GOLGA8M: variants seen among roughly 807,000 people sequenced by gnomAD.
GOLGA8M encodes golgin A8 family member M.
A neutral mutation model predicts 87.7 loss-of-function variants in GOLGA8M; 34 were observed. The ratio of observed to expected loss-of-function variants is 0.39; its 90% CI spans 0.29 to 0.52. The LOEUF (loss-of-function observed/expected upper bound fraction) is 0.52, where lower values mean the gene tolerates loss of function less well. Ranked by LOEUF, GOLGA8M falls within the 20% of genes least tolerant of loss-of-function variation. The pLI, the probability that GOLGA8M is intolerant of heterozygous loss-of-function variation, is 0.80. For missense variants in GOLGA8M, 396 were observed against 682.2 expected (o/e 0.58, Z 4.67); for synonymous variants, 138 against 250.2 (o/e 0.55, Z 4.23).
chr15:28,705,176 G>T lies in GOLGA8M; in HGVS notation c.1183C>A (p.Gln395Lys), dbSNP rs1403617187. ...TCCTTCACCTCGCCAAGCTTCTCCT[G>T]TAGCTCCTTTACTTGCTGCTCCAAC... Reference protein sequence around the residue: ...LQLEQQVKELQEKLGEEHLEA... With the variant: ...LQLEQQVKELKEKLGEEHLEA... The change falls in exon 13 of 19, where the codon CAG (glutamine) becomes AAG (lysine). Residue 395 changes from glutamine (Q) to lysine (K), a missense_variant. This residue lies in a region of GOLGA8M where 44 missense variants were observed against 46.7 expected (regional missense o/e 0.94). Transcript: ENST00000563027. 5.6e-6 allele frequency: 9 copies of T among 1,598,434 alleles called. No homozygotes were observed. In the East Asian group the frequency reaches 1.8e-4, roughly 32 times the overall value.
chr15:28,702,478 C>T lies in GOLGA8M; in HGVS notation c.1554G>A (p.Gln518=), dbSNP rs982056551. 13 of 1,582,060 alleles carry T rather than the reference C, an allele frequency of 8.2e-6. No homozygotes were observed. In the African/African-American group the frequency reaches 1.8e-4, roughly 21 times the overall value. Residue 518 remains glutamine, a synonymous_variant, in exon 17 of 19, where the codon CAG becomes CAA. Coordinates refer to ENST00000563027, the MANE Select transcript of GOLGA8M (RefSeq NM_001282468.3). ...LGGGHHQAGA[Q]GGDEGEAAGA... is the part of the protein sequence containing the mutation. ...TGCACACCCTACCTTCATCTCCTCC[C>T]TGAGCTCCAGCCTGATGGTGTCCTC...
chr15:28,712,525 G>GGCGTGGCCAGACAGCA (rs1463095663), upstream of GOLGA8M, among the ~76,000 whole-genome samples: 2 of 151,266 alleles, frequency 1.3e-5, no homozygotes, highest in East Asian at 2.0e-4. Context: ...AGGGAAAGGG[G>GGCGTGGCCAGACAGCA]GCGTGGCCAG....
At chr15:28,704,144 G>A (rs1411749640) in intron 13 of GOLGA8M, among the ~76,000 whole-genome samples, 5 of 148,100 alleles carry the variant, frequency 3.4e-5, no homozygotes, top group African/African-American at 9.9e-5. Context: ...GCTGATAGGC[G>A]GCCACCTGCT....
Position 28,706,476 on chromosome 15 carries a change from C to A in GOLGA8M, c.709G>T (p.Glu237Ter). 5 of 1,296,232 alleles carry A rather than the reference C, an allele frequency of 3.9e-6. No individual in the cohort carries two copies. 80.3% of individuals were successfully genotyped at this position (1,296,232 alleles called of 1,614,324 possible). A position where few individuals can be genotyped will look rare whatever the true frequency, so the allele number is the denominator to read the frequency against. The change falls in exon 10 of 19, where the codon GAA (glutamate) becomes TAA (stop). Residue 237 changes from glutamate to a stop codon, truncating the protein, a stop_gained. Coordinates refer to ENST00000563027, the MANE Select transcript of GOLGA8M (RefSeq NM_001282468.3). LOFTEE classifies it high-confidence loss of function. ...LKESFQQVQLERDEYSEHLKG... is the reference protein window; with the variant it reads ...LKESFQQVQL ...AGATGTTCAGAATACTCATCTCTTT[C>A]TAATTGGACTTGTTGAAATGACTCC...
intron 8 of GOLGA8M, 82 bp from the exon 9 acceptor site, chr15:28,706,781 G>A (rs1596685531): frequency 7.3e-7 from 1 of 1,371,072 alleles, no homozygotes; most frequent in East Asian, 3.1e-5. Flanking sequence ...CTCGGGCTAG[G>A]CCCAATATAC....
At position 28,704,111 on chromosome 15, in the gene GOLGA8M, C is replaced by T. The variant is rs369890533; in HGVS notation, c.1201-194G>A. 4.1e-5 allele frequency among the ~76,000 whole-genome samples: 6 copies of T among 147,358 alleles called. No individual in the cohort carries two copies. The South Asian group carries it at 6.4e-4, about 16-fold the overall frequency. ...TCTGCTGCAGTCACTGCCTGTACAGCGCCTCCTTCTCACAGGTCAACTGCT... is the reference window on the plus strand; with the variant it reads ...TCTGCTGCAGTCACTGCCTGTACAGTGCCTCCTTCTCACAGGTCAACTGCT... On this transcript the variant is annotated intron_variant, in intron 13 of 18. Transcript: ENST00000563027.
rs1217714217 is a variant in GOLGA8M, at chr15:28,701,657, G to C, written c.*297C>G. On this transcript the variant is annotated 3_prime_UTR_variant, in exon 19 of 19. Transcript: ENST00000563027. Reference sequence around the variant, plus strand: ...AGTTTTGGGCAAAGAGTGGGTCTTTGTGTGTTTGAACTTCCACCACGTAAG... The same window carrying C: ...AGTTTTGGGCAAAGAGTGGGTCTTTCTGTGTTTGAACTTCCACCACGTAAG... Among the ~76,000 whole-genome samples, 1 of 152,060 alleles carries C rather than the reference G, an allele frequency of 6.6e-6. No individual in the cohort carries two copies. The highest frequency in any genetic ancestry group is 2.4e-5 in the African/African-American group (1 of 41,392).
Position 28,702,857 on chromosome 15 carries a change from C to G in GOLGA8M, c.1369-112G>C, listed in dbSNP as rs2140908998. The stretch of plus-strand genomic sequence containing the variant: ...CTGGCATGGGCCAGCTTCTCCGTGA[C>G]TTCCTGCAGGGCCCAGTGGGTCTCC... On this transcript the variant is annotated intron_variant, in intron 15 of 18. Coordinates refer to ENST00000563027, the MANE Select transcript of GOLGA8M (RefSeq NM_001282468.3). 3.2e-6 allele frequency: 5 copies of G among 1,553,808 alleles called. No individual in the cohort carries two copies. In the East Asian group the frequency reaches 1.2e-4, roughly 39 times the overall value.
At position 28,708,114 on chromosome 15, in the gene GOLGA8M, C is replaced by G; in HGVS notation, c.396+12G>C. 1 of 1,601,664 alleles carries G rather than the reference C, an allele frequency of 6.2e-7. No homozygotes were observed. Among genetic ancestry groups the G allele is most frequent in the Non-Finnish European group, 8.5e-7 (1 of 1,175,480 alleles). The stretch of plus-strand genomic sequence containing the variant: ...CCGGAGGACAGGAGGAAACTGCACA[C>G]CCTCCACTCACCTCTAGCACCCTTT... On this transcript the variant is annotated intron_variant, in intron 6 of 18. Coordinates refer to ENST00000563027, the MANE Select transcript of GOLGA8M (RefSeq NM_001282468.3).
At chr15:28,712,825 A>T (rs1446221117), upstream of GOLGA8M, among the ~76,000 whole-genome samples, 1 of 152,240 alleles carries the variant, frequency 6.6e-6, no homozygotes, top group Non-Finnish European at 1.5e-5. Context: ...TACAGTACAA[A>T]AATTACCAGT....
At position 28,702,328 on chromosome 15, in the gene GOLGA8M, T is replaced by C; in HGVS notation, c.1609A>G (p.Ser537Gly). 1 of 1,530,216 alleles carries C rather than the reference T, an allele frequency of 6.5e-7. No homozygotes were observed. Among genetic ancestry groups the C allele is most frequent in the South Asian group, 1.2e-5 (1 of 83,888 alleles). The allele number at this position is 1,530,216 out of a possible 1,614,324, so 94.8% of individuals were successfully genotyped here. Reference sequence around the variant, plus strand: ...TTTCTGTGCCCATTGTTGTAGTTGCTGTAAGCCGCAATACCATCTGCTGCA... The same window carrying C: ...TTTCTGTGCCCATTGTTGTAGTTGCCGTAAGCCGCAATACCATCTGCTGCA... ...GAAADGIAAY[S>G]NYNNGHRKFL... Residue 537 changes from serine to glycine, a missense_variant, in exon 18 of 19, where the codon AGC becomes GGC. Ser to Gly is a moderately conservative substitution (Grantham distance 56, BLOSUM62 0). Around this residue, in one of 12 missense-constraint regions of GOLGA8M, gnomAD observed 173 missense variants for 150.2 expected, o/e 1.15. Coordinates refer to ENST00000563027, the MANE Select transcript of GOLGA8M (RefSeq NM_001282468.3).
chr15:28,701,258 G>A lies in GOLGA8M; in HGVS notation c.*696C>T, dbSNP rs556996583. Among the ~76,000 whole-genome samples, 12 of 151,682 alleles carry A rather than the reference G, an allele frequency of 7.9e-5. No homozygotes were observed. The highest frequency in any genetic ancestry group is 5.3e-4 in the Admixed American group (8 of 15,204). ...TAATACACCGCTAATTCCTGGCACC[G>A]GAACAGATGAAACACACTCTATCCT... On this transcript the variant is annotated 3_prime_UTR_variant, in exon 19 of 19. Coordinates refer to ENST00000563027, the MANE Select transcript of GOLGA8M (RefSeq NM_001282468.3).
Position 28,705,339 on chromosome 15 carries a change from CCT to C in GOLGA8M, c.1132-114_1132-113del, listed in dbSNP as rs1424702065. On this transcript the variant is annotated intron_variant, in intron 12 of 18. Transcript: ENST00000563027. ...TGGAGGCAGGTTAGAAAAATCACCC[CCT>C]CTCTCCCACAGCCACCTGGCTCACA... 2.5e-5 allele frequency: 33 copies of C among 1,334,848 alleles called. No individual in the cohort carries two copies. In the East Asian group the frequency reaches 7.5e-4, roughly 30 times the overall value. 82.7% of individuals were successfully genotyped at this position (1,334,848 alleles called of 1,614,324 possible).
In GOLGA8M at chr15:28,707,757, C is replaced by T. The variant is rs537877915; in HGVS notation, c.582G>A (p.Lys194=). The T allele has an allele frequency of 2.1e-3, 3,317 of 1,547,106 alleles. 74 individuals are homozygous for T. In the African/African-American group the frequency reaches 0.04, roughly 19 times the overall value. Residue 194 remains lysine, a synonymous_variant, in exon 8 of 19, where the codon AAG becomes AAA. Coordinates refer to ENST00000563027, the MANE Select transcript of GOLGA8M (RefSeq NM_001282468.3). The part of the protein sequence containing the change: ...LSDVMATQKK[K]ANQLSSPSKA... The stretch of plus-strand genomic sequence containing the variant: ...AGGTGGTTGGACTCACCTGGTTTGC[C>T]TTCTTCTTCTGTGTGGCCATGACAT...
At chr15:28,703,052 G>T in intron 15 of GOLGA8M, 1 of 909,732 alleles carries the variant, frequency 1.1e-6, no homozygotes, top group Non-Finnish European at 1.3e-6. Context: ...CAGCGGACTT[G>T]AGAAATGCCA....
At position 28,707,659 on chromosome 15, in the gene GOLGA8M, A is replaced by G. The variant is rs1048667832; in HGVS notation, c.591+89T>C. 2.5e-6 allele frequency: 3 copies of G among 1,191,896 alleles called. No individual in the cohort carries two copies. The Admixed American group carries it at 6.0e-5, about 24-fold the overall frequency. 73.8% of individuals were successfully genotyped at this position (1,191,896 alleles called of 1,614,324 possible). ...ATGGCCATGCTGCCTTCTGGGCAGGACACGCCATCCTGCAGAAGGGACCTT... is the reference window on the plus strand; with the variant it reads ...ATGGCCATGCTGCCTTCTGGGCAGGGCACGCCATCCTGCAGAAGGGACCTT... On this transcript the variant is annotated intron_variant, in intron 8 of 18. Transcript: ENST00000563027.
intron 13 of GOLGA8M, among the ~76,000 whole-genome samples, chr15:28,704,605 T>G (rs1053469555): frequency 4.1e-5 from 6 of 147,466 alleles, no homozygotes; most frequent in African/African-American, 1.5e-4. Flanking sequence ...CAGACAAGAG[T>G]GTCACTCTGT....
In GOLGA8M at chr15:28,707,964, C is replaced by G. The variant is rs2080086691; in HGVS notation, c.470G>C (p.Arg157Thr). ...GCCCAGATTCCCACCTTCAAAGTAT[C>G]TGAGAGAACGTTTCATGTGGTACAG... is the stretch of plus-strand genomic sequence containing the variant. ...TDLYHMKRSLRYFEEKSKDLA... is the reference protein window; with the variant it reads ...TDLYHMKRSLTYFEEKSKDLA... Residue 157 changes from arginine (R) to threonine (T), a missense_variant, in exon 7 of 19, where the codon AGA becomes ACA. Arg to Thr is a moderately conservative substitution (Grantham distance 71). This residue lies in a region of GOLGA8M where 80 missense variants were observed against 119.9 expected (regional missense o/e 0.67). Coordinates refer to ENST00000563027, the MANE Select transcript of GOLGA8M (RefSeq NM_001282468.3). 1.3e-6 allele frequency: 2 copies of G among 1,595,814 alleles called. No homozygotes were observed. The highest frequency in any genetic ancestry group is 2.2e-5 in the South Asian group (2 of 90,550).
At chr15:28,711,610 C>T in intron 1 of GOLGA8M, 1 of 985,198 alleles carries the variant, frequency 1.0e-6, no homozygotes, top group Non-Finnish European at 1.2e-6. Flanking sequence ...GAAATTTGTC[C>T]TGTGACCAGA....
Sources: gnomAD v4.1 joint callset for allele counts (sites outside exome capture counted in the v4.1 genomes callset) on GRCh38, gnomAD v4.1.1 for gene constraint, gnomAD v4.1.1 regional missense constraint, MANE v1.5 for transcripts, NCBI Gene and HGNC (gene_info 2026-07-23, HGNC 2026-07-21) for gene names.